CHRDL1: variants seen among roughly 807,000 people sequenced by gnomAD.
CHRDL1 encodes the protein chordin-like protein 1.
CHRDL1 carries 19 observed loss-of-function variants against 40.9 expected under a neutral mutation model. The ratio of observed to expected loss-of-function variants is 0.46; its 90% confidence interval spans 0.32 to 0.68. The LOEUF (loss-of-function observed/expected upper bound fraction) is 0.68. CHRDL1 is among the 30% of genes least tolerant of loss of function. The probability of loss-of-function intolerance (pLI) is 0.03; values close to 1 mark genes in which losing one functional copy is unlikely to be tolerated. For synonymous variants in CHRDL1, 136 were observed against 123.4 expected (o/e 1.10, Z -0.68); for missense variants, 329 against 352.1 (o/e 0.93, Z 0.53).
intron 4 of CHRDL1, among the ~76,000 whole-genome samples, chrX:110,722,159 G>A (rs1364678387): frequency 1.8e-5 from 2 of 109,970 alleles, no homozygotes; most frequent in Admixed American, 9.6e-5. Flanking sequence ...CACCACGCCT[G>A]GCTATTTTTT....
At chrX:110,753,855 T>C (rs2089404365) in intron 4 of CHRDL1, among the ~76,000 whole-genome samples, 1 of 112,436 alleles carries the variant, frequency 8.9e-6, no homozygotes, top group South Asian at 3.7e-4. Flanking sequence ...TCAAATGCCA[T>C]GTACCCACCT....
At chrX:110,688,524 C>G in intron 9 of CHRDL1, 70 bp downstream of exon 9, 1 of 680,321 alleles carries the variant, frequency 1.5e-6, no homozygotes, top group Non-Finnish European at 2.4e-6. Context: ...GTTTCTGATG[C>G]CTAAAGAAAG....
chrX:110,727,356 C>A lies in CHRDL1; in HGVS notation c.302-5826G>T, dbSNP rs144331967. ...CCCCATTTCTACTTCAACAGAATAC[C>A]TCTTACTTTGTTAGTGAAATGTGTT... is the stretch of plus-strand genomic sequence containing the variant. On this transcript the variant is annotated intron_variant, in intron 4 of 11. Transcript: ENST00000372042. Among the ~76,000 whole-genome samples, 375 of 112,244 alleles carry A rather than the reference C, an allele frequency of 3.3e-3. 2 individuals carry two copies. The highest frequency in any genetic ancestry group is 0.011 in the African/African-American group (353 of 31,014).
At chrX:110,789,816 T>C in intron 2 of CHRDL1, among the ~76,000 whole-genome samples, 1 of 112,198 alleles carries the variant, frequency 8.9e-6, no homozygotes, top group East Asian at 2.8e-4. Context: ...ATGTTCCATA[T>C]GAAGCTCAGA....
intron 4 of CHRDL1, among the ~76,000 whole-genome samples, chrX:110,751,918 CA>C (rs904398994): frequency 1.8e-5 from 2 of 111,891 alleles, no homozygotes; most frequent in Non-Finnish European, 3.8e-5. Context: ...GGTATATATA[CA>C]CAATGGAGTA....
chrX:110,718,443 C>T (rs2070883051), intron 6 of CHRDL1, among the ~76,000 whole-genome samples: 1 of 112,293 alleles, frequency 8.9e-6, no homozygotes, highest in Admixed American at 9.4e-5. Context: ...ATCCAAAATC[C>T]TTCCCATGGC....
chrX:110,762,952 T>A, intron 2 of CHRDL1, 145 bp from the exon 3 acceptor site: 1 of 465,241 alleles, frequency 2.1e-6, no homozygotes, highest in Non-Finnish European at 3.7e-6. Context: ...ATTAGGGGAT[T>A]AGTGTTATAC....
intron 9 of CHRDL1, among the ~76,000 whole-genome samples, chrX:110,683,159 C>T (rs1353090714): frequency 1.8e-5 from 2 of 112,448 alleles, no homozygotes; most frequent in African/African-American, 3.2e-5. Context: ...TCTTGCACCA[C>T]TACCTCCTTC....
chrX:110,782,131 G>T (rs1299357628), intron 2 of CHRDL1, among the ~76,000 whole-genome samples: 1 of 112,155 alleles, frequency 8.9e-6, no homozygotes, highest in East Asian at 2.8e-4. Flanking sequence ...AAAATATAGA[G>T]CCAGATGAGA....
intron 4 of CHRDL1, among the ~76,000 whole-genome samples, chrX:110,735,027 A>ATT (rs11463780): frequency 4.6e-5 from 5 of 109,780 alleles, no homozygotes; most frequent in African/African-American, 1.7e-4. Flanking sequence ...TGAGAACTAG[A>ATT]TTTTTTTTTG....
chrX:110,736,514 A>C (rs1252638075), intron 4 of CHRDL1, among the ~76,000 whole-genome samples: 1 of 112,210 alleles, frequency 8.9e-6, no homozygotes, highest in East Asian at 2.8e-4. Context: ...AGATCAAACA[A>C]ATAAATAAGG....
At chrX:110,697,873 C>T (rs890631855) in intron 7 of CHRDL1, among the ~76,000 whole-genome samples, 1 of 97,328 alleles carries the variant, frequency 1.0e-5, no homozygotes, top group Non-Finnish European at 2.0e-5. Context: ...CACACACACA[C>T]ACACACGCAG....
intron 2 of CHRDL1, among the ~76,000 whole-genome samples, chrX:110,782,144 G>A (rs2089955914): frequency 8.9e-6 from 1 of 111,913 alleles, no homozygotes; most frequent in Admixed American, 9.5e-5. Context: ...AGATGAGAAC[G>A]GTGATAACAA....
chrX:110,695,879 T>C (rs1305321698), intron 7 of CHRDL1, among the ~76,000 whole-genome samples: 2 of 112,364 alleles, frequency 1.8e-5, no homozygotes, highest in Admixed American at 9.4e-5. Context: ...AATGTTATTC[T>C]ATCTAAGAAG....
intron 2 of CHRDL1, among the ~76,000 whole-genome samples, chrX:110,765,978 T>C (rs745491308): frequency 4.0e-4 from 44 of 110,801 alleles, no homozygotes; most frequent in African/African-American, 1.4e-3. Context: ...TTTAAGAAAA[T>C]CGAAATTGTA....
At chrX:110,681,767 C>T (rs1367486569) in intron 9 of CHRDL1, 118 bp from the exon 10 acceptor site, 1 of 541,400 alleles carries the variant, frequency 1.8e-6, no homozygotes, top group South Asian at 3.6e-5. Flanking sequence ...GGACAATTAA[C>T]AAGAACATTC....
chrX:110,709,378 C>T (rs1473523473), intron 6 of CHRDL1, among the ~76,000 whole-genome samples: 1 of 111,350 alleles, frequency 9.0e-6, no homozygotes, highest in South Asian at 3.8e-4. Flanking sequence ...TTGGATCAAA[C>T]AAACAAACAA....
chrX:110,753,141 G>C (rs1018448710), intron 4 of CHRDL1, among the ~76,000 whole-genome samples: 2 of 112,112 alleles, frequency 1.8e-5, no homozygotes, highest in Non-Finnish European at 1.9e-5. Flanking sequence ...TGGCCAAAAG[G>C]TGGAAACAAC....
At chrX:110,700,334 G>A (rs936473342) in intron 7 of CHRDL1, among the ~76,000 whole-genome samples, 1 of 111,709 alleles carries the variant, frequency 9.0e-6, no homozygotes, top group East Asian at 2.8e-4. Context: ...CCTCACTGTT[G>A]AGGATAGGAG....
Sources: gnomAD v4.1 joint callset for allele counts (sites outside exome capture counted in the v4.1 genomes callset) on GRCh38, gnomAD v4.1.1 for gene constraint, MANE v1.5 for transcripts, NCBI Gene and HGNC (gene_info 2026-07-23, HGNC 2026-07-21) for gene names.